Variants in PALM2AKAP2 observed in about 807,000 individuals in gnomAD.
PALM2AKAP2 encodes PALM2 and AKAP2 fusion, also known as PALM2-AKAP2 fusion protein.
In PALM2AKAP2, 37 loss-of-function variants were observed where a neutral mutation model predicts 71.5. That is an observed-to-expected ratio of 0.52 (90% CI 0.40 to 0.68). The LOEUF is 0.68. Among genes scored for constraint, PALM2AKAP2 ranks in the 30% least tolerant of loss-of-function variants. The pLI is 0.00. For synonymous variants in PALM2AKAP2, 468 were observed against 478.8 expected, an observed-to-expected ratio of 0.98 and a Z score of 0.29; for missense variants, 1,224 against 1,191.8, an observed-to-expected ratio of 1.03 and a Z score of -0.40.
At chr9:110,038,127 C>T (rs1833445396) in intron 7 of PALM2AKAP2, among the ~76,000 whole-genome samples, 1 of 152,124 alleles carries the variant, frequency 6.6e-6, no homozygotes, top group Non-Finnish European at 1.5e-5. Context: ...ATCGCTTGAG[C>T]CCAGGTGTTT....
chr9:109,867,400 A>G, intron 1 of PALM2AKAP2, 91 bp from the exon 2 acceptor site: 1 of 1,439,836 alleles, frequency 6.9e-7, no homozygotes, highest in Non-Finnish European at 9.6e-7. Flanking sequence ...GTCTATACAG[A>G]TGTGTGCTGC....
At chr9:109,927,626 G>T (rs182839278) in intron 5 of PALM2AKAP2, among the ~76,000 whole-genome samples, 3 of 152,108 alleles carry the variant, frequency 2.0e-5, no homozygotes, top group Non-Finnish European at 2.9e-5. Context: ...AGGAAATAGA[G>T]GTACCGTACT....
chr9:109,674,943 C>T (rs902418860), intron 1 of PALM2AKAP2, among the ~76,000 whole-genome samples: 2 of 152,008 alleles, frequency 1.3e-5, no homozygotes, highest in African/African-American at 4.8e-5. Flanking sequence ...TACAAGTACA[C>T]ATATAACCAC....
chr9:109,918,799 A>G (rs761874261), intron 3 of PALM2AKAP2, among the ~76,000 whole-genome samples: 2 of 152,218 alleles, frequency 1.3e-5, no homozygotes, highest in African/African-American at 2.4e-5. Context: ...AAAATCTGCT[A>G]TTGGATCTGA....
At chr9:110,153,250 A>G (rs147657798) in intron 2 of PALM2AKAP2, among the ~76,000 whole-genome samples, 1 of 152,304 alleles carries the variant, frequency 6.6e-6, no homozygotes, top group African/African-American at 2.4e-5. Flanking sequence ...CCCATCATTT[A>G]ATTCAGCCAT....
intron 1 of PALM2AKAP2, among the ~76,000 whole-genome samples, chr9:110,088,703 GT>G (rs71373964): frequency 0.13 from 9,718 of 74,758 alleles, 890 homozygotes; most frequent in East Asian, 0.23. Context: ...GCATTTACGT[GT>G]TTTTTTTTTT....
chr9:109,878,732 C>T (rs919811218), intron 2 of PALM2AKAP2, among the ~76,000 whole-genome samples: 1 of 152,126 alleles, frequency 6.6e-6, no homozygotes, highest in Non-Finnish European at 1.5e-5. Context: ...CTTACTAATA[C>T]TAAGTGTTGG....
At chr9:109,691,733 C>G (rs1176054329) in intron 1 of PALM2AKAP2, among the ~76,000 whole-genome samples, 2 of 149,604 alleles carry the variant, frequency 1.3e-5, no homozygotes, top group Non-Finnish European at 3.0e-5. Flanking sequence ...AGCCTGCCCC[C>G]ACACCACCCA....
At chr9:109,971,698 T>C (rs1832072670) in intron 6 of PALM2AKAP2, among the ~76,000 whole-genome samples, 1 of 152,188 alleles carries the variant, frequency 6.6e-6, no homozygotes, top group African/African-American at 2.4e-5. Flanking sequence ...AGTGCTGGGA[T>C]TACAGGCGTG....
chr9:110,160,199 G>A (rs545038138), intron 3 of PALM2AKAP2, among the ~76,000 whole-genome samples: 2 of 152,172 alleles, frequency 1.3e-5, no homozygotes, highest in Non-Finnish European at 2.9e-5. Context: ...CCACACATTT[G>A]GGGGGTAGAG....
At chr9:109,806,269 G>T (rs1185964936) in intron 1 of PALM2AKAP2, among the ~76,000 whole-genome samples, 1 of 152,134 alleles carries the variant, frequency 6.6e-6, no homozygotes, top group Non-Finnish European at 1.5e-5. Context: ...AGTTTTACTA[G>T]TTTAACTCAT....
At chr9:109,925,000 A>T in intron 4 of PALM2AKAP2, 61 bp from the exon 5 acceptor site, 5 of 1,611,620 alleles carry the variant, frequency 3.1e-6, no homozygotes, top group Non-Finnish European at 4.2e-6. Context: ...TAAAGATGGG[A>T]AAAGATGGGA....
At position 109,838,548 on chromosome 9, in the gene PALM2AKAP2, G is replaced by A. The variant is rs1344487358; in HGVS notation, c.46-28943G>A. Among the ~76,000 whole-genome samples the A allele has an allele frequency of 2.0e-5, 3 of 152,038 alleles. No individual in the cohort carries two copies. In the East Asian group the frequency reaches 5.8e-4, roughly 29 times the overall value. On this transcript the variant is annotated intron_variant, in intron 1 of 9. Transcript: ENST00000302798. Reference sequence around the variant, plus strand: ...AGATCAGAGCAGAACTGAAGGAAATGGAGACATAAAAAACCCTTCAAAAAA... The same window carrying A: ...AGATCAGAGCAGAACTGAAGGAAATAGAGACATAAAAAACCCTTCAAAAAA...
At chr9:109,932,245 G>A (rs1027498662) in intron 6 of PALM2AKAP2, among the ~76,000 whole-genome samples, 3 of 152,186 alleles carry the variant, frequency 2.0e-5, no homozygotes, top group African/African-American at 4.8e-5. Context: ...GAAATCATAC[G>A]GCATTTCACC....
chr9:110,097,207 G>A (rs1427107830), intron 1 of PALM2AKAP2, among the ~76,000 whole-genome samples: 11 of 150,502 alleles, frequency 7.3e-5, no homozygotes, highest in Non-Finnish European at 1.6e-4. Flanking sequence ...ATCTTGCACC[G>A]CCCTTAATCC....
At chr9:109,937,443 C>T (rs1422852092) in intron 6 of PALM2AKAP2, among the ~76,000 whole-genome samples, 1 of 152,180 alleles carries the variant, frequency 6.6e-6, no homozygotes, top group African/African-American at 2.4e-5. Flanking sequence ...AGTATCCATG[C>T]AGTCATTCAT....
intron 3 of PALM2AKAP2, among the ~76,000 whole-genome samples, chr9:109,919,286 C>T (rs1041220322): frequency 6.6e-6 from 1 of 152,230 alleles, no homozygotes; most frequent in African/African-American, 2.4e-5. Context: ...GCCCCTCTTT[C>T]ATGCCACAGC....
intron 1 of PALM2AKAP2, among the ~76,000 whole-genome samples, chr9:109,839,624 C>T (rs535121854): frequency 4.3e-4 from 65 of 152,134 alleles, no homozygotes; most frequent in African/African-American, 1.5e-3. Context: ...CATGATTGTA[C>T]ATTTAGAAAA....
At chr9:110,138,023 G>A (rs1835934150) in exon 2 of PALM2AKAP2, 1 of 1,613,718 alleles carries the variant, frequency 6.2e-7, no homozygotes, top group Non-Finnish European at 8.5e-7. Context: ...AACCAGCAGG[G>A]ATGGAGCAGA....
Sources: gnomAD v4.1 joint callset for allele counts (sites outside exome capture counted in the v4.1 genomes callset) on GRCh38, gnomAD v4.1.1 for gene constraint, MANE v1.5 for transcripts, NCBI Gene and HGNC (gene_info 2026-07-23, HGNC 2026-07-21) for gene names.